The following GALNT13 variants were observed in gnomAD, a reference collection of about 807,000 sequenced individuals.
The protein encoded by GALNT13 is polypeptide N-acetylgalactosaminyltransferase 13.
Under a neutral mutation model 64.2 loss-of-function variants are expected in GALNT13, and 28 were observed. That is an observed-to-expected ratio of 0.44 (90% CI 0.32 to 0.60). The LOEUF (loss-of-function observed/expected upper bound fraction) is 0.60, where lower values mean the gene tolerates loss of function less well. GALNT13 is among the 20% of genes least tolerant of loss of function. The pLI is 0.05. For missense variants in GALNT13, 577 were observed against 669.8 expected, an observed-to-expected ratio of 0.86 and a Z score of 1.53; for synonymous variants, 214 against 224.6, an observed-to-expected ratio of 0.95 and a Z score of 0.42.
chr2:153,904,395 A>G (rs1688426832), intron 2 of GALNT13, among the ~76,000 whole-genome samples: 1 of 152,074 alleles, frequency 6.6e-6, no homozygotes, highest in African/African-American at 2.4e-5. Flanking sequence ...ACTTTAGTAG[A>G]TACTACCAGA....
intron 3 of GALNT13, among the ~76,000 whole-genome samples, chr2:153,960,378 C>T (rs186608958): frequency 6.6e-6 from 1 of 152,282 alleles, no homozygotes; most frequent in Non-Finnish European, 1.5e-5. Flanking sequence ...GCCCAGGAAA[C>T]AATTCAAGGG....
At chr2:154,141,396 A>G (rs1211447271) in intron 4 of GALNT13, among the ~76,000 whole-genome samples, 5 of 152,174 alleles carry the variant, frequency 3.3e-5, no homozygotes, top group Non-Finnish European at 5.9e-5. Context: ...AAACACAAGC[A>G]TACTATACAG....
chr2:153,317,203 A>G, the GALNT13 span, among the ~76,000 whole-genome samples: 15 of 152,280 alleles, frequency 9.9e-5, no homozygotes, highest in African/African-American at 3.4e-4. Flanking sequence ...TTGAGCTCCT[A>G]TAGTTTTATA....
At chr2:153,837,704 A>C in the GALNT13 span, among the ~76,000 whole-genome samples, 2 of 152,184 alleles carry the variant, frequency 1.3e-5, 1 homozygote, top group South Asian at 4.1e-4. Flanking sequence ...CATCTTGGCT[A>C]TTGGGAATAA....
the GALNT13 span, among the ~76,000 whole-genome samples, chr2:153,522,628 T>G: frequency 6.6e-6 from 1 of 152,202 alleles, no homozygotes; most frequent in East Asian, 1.9e-4. Flanking sequence ...TGGAGCATCT[T>G]TTCAGGTACT....
rs546890448 is a variant in GALNT13 at position 154,166,353 on chromosome 2, G to A, written c.311+25848G>A. 9.9e-5 allele frequency among the ~76,000 whole-genome samples: 15 copies of A among 152,218 alleles called. No individual in the cohort carries two copies. In the South Asian group the frequency reaches 2.3e-3, roughly 23 times the overall value. ...CCAGGAGGCAGAGGTTGCAATGAGC[G>A]GAGATCACGCCACTGCACTTCAGCC... On this transcript the variant is annotated intron_variant, in intron 4 of 12. Transcript: ENST00000392825.
chr2:153,355,863 T>A, the GALNT13 span, among the ~76,000 whole-genome samples: 1 of 152,186 alleles, frequency 6.6e-6, no homozygotes, highest in Non-Finnish European at 1.5e-5. Flanking sequence ...AAAACGCATA[T>A]TTTTTTCAAA....
the GALNT13 span, among the ~76,000 whole-genome samples, chr2:153,330,079 T>C: frequency 1.3e-5 from 2 of 152,340 alleles, no homozygotes; most frequent in South Asian, 4.1e-4. Context: ...AAAGTTCAGA[T>C]GGTTGTAGGT....
At chr2:153,311,993 T>C in the GALNT13 span, among the ~76,000 whole-genome samples, 1 of 152,206 alleles carries the variant, frequency 6.6e-6, no homozygotes, top group East Asian at 1.9e-4. Context: ...GTTTTATAAA[T>C]GTGTATCATT....
At chr2:153,712,229 T>C in the GALNT13 span, among the ~76,000 whole-genome samples, 1 of 152,202 alleles carries the variant, frequency 6.6e-6, no homozygotes, top group Admixed American at 6.5e-5. Context: ...ATGTTTATAT[T>C]ATTTCAATGT....
At chr2:153,161,830 C>A in the GALNT13 span, among the ~76,000 whole-genome samples, 1 of 152,158 alleles carries the variant, frequency 6.6e-6, no homozygotes, top group Non-Finnish European at 1.5e-5. Flanking sequence ...TGTTACTTGG[C>A]AACCATCAAT....
the GALNT13 span, among the ~76,000 whole-genome samples, chr2:153,258,338 G>T: frequency 4.0e-5 from 6 of 149,740 alleles, no homozygotes; most frequent in African/African-American, 1.2e-4. Flanking sequence ...TCTGGAGACT[G>T]ATTTGAGTAA....
chr2:153,416,417 CA>C, the GALNT13 span, among the ~76,000 whole-genome samples: 200 of 152,296 alleles, frequency 1.3e-3, 1 homozygote, highest in African/African-American at 4.7e-3. Context: ...CCCAATGACA[CA>C]AAGGCATCAT....
At chr2:153,434,434 A>G in the GALNT13 span, among the ~76,000 whole-genome samples, 1 of 152,194 alleles carries the variant, frequency 6.6e-6, no homozygotes, top group Non-Finnish European at 1.5e-5. Flanking sequence ...GAACTAGTTT[A>G]CAGTCCCACC....
the GALNT13 span, among the ~76,000 whole-genome samples, chr2:153,474,506 C>A: frequency 6.6e-6 from 1 of 152,182 alleles, no homozygotes; most frequent in Non-Finnish European, 1.5e-5. Flanking sequence ...GTGACCTCTG[C>A]TTTCACTTCC....
At chr2:153,405,464 G>A in the GALNT13 span, among the ~76,000 whole-genome samples, 1 of 152,204 alleles carries the variant, frequency 6.6e-6, no homozygotes, top group Admixed American at 6.5e-5. Flanking sequence ...GCAGCTTAGT[G>A]AAGGACACTC....
chr2:153,460,787 T>C, the GALNT13 span, among the ~76,000 whole-genome samples: 4 of 152,126 alleles, frequency 2.6e-5, no homozygotes, highest in African/African-American at 9.7e-5. Context: ...GGATTGTACA[T>C]AATTGGCACA....
chr2:153,879,357 CGTGTGTGTGTGTGTGTGTGTGTGTGCAT>C (rs1489991488), intron 1 of GALNT13, among the ~76,000 whole-genome samples: 1 of 148,446 alleles, frequency 6.7e-6, no homozygotes, highest in Non-Finnish European at 1.5e-5. Context: ...AAACTACCTA[CGTGTGTGTGTGTGTGTGTGTGTGTGCAT>C]GTGTGTGTGT....
At chr2:153,271,421 G>A in the GALNT13 span, among the ~76,000 whole-genome samples, 4 of 152,160 alleles carry the variant, frequency 2.6e-5, no homozygotes, top group Non-Finnish European at 4.4e-5. Context: ...CTTCAGCAAA[G>A]TTTCAGGATA....
Sources: gnomAD v4.1 joint callset for allele counts (sites outside exome capture counted in the v4.1 genomes callset) on GRCh38, gnomAD v4.1.1 for gene constraint, MANE v1.5 for transcripts, NCBI Gene and HGNC (gene_info 2026-07-23, HGNC 2026-07-21) for gene names.